Variants in RPTOR observed in about 807,000 individuals in gnomAD.
RPTOR encodes regulatory-associated protein of mTOR.
A neutral mutation model predicts 169.9 loss-of-function variants in RPTOR; 21 were observed. The observed-to-expected ratio is 0.12, with a 90% CI of 0.09 to 0.18. RPTOR has a LOEUF of 0.18. Ranked by LOEUF, RPTOR falls within the 10% of genes least tolerant of loss-of-function variation. RPTOR has a pLI of 1.00. For missense variants in RPTOR, 1,133 were observed against 1,855.9 expected (o/e 0.61, Z 7.16); for synonymous variants, 732 against 753.2 (o/e 0.97, Z 0.46).
intron 4 of RPTOR, among the ~76,000 whole-genome samples, chr17:80,724,032 G>T (rs1256563020): frequency 2.0e-5 from 3 of 151,410 alleles, no homozygotes; most frequent in Non-Finnish European, 2.9e-5. Flanking sequence ...TTTGTAGATA[G>T]GAGAAAGGGG....
chr17:80,640,782 C>T (rs2065547095), intron 2 of RPTOR, among the ~76,000 whole-genome samples: 1 of 147,092 alleles, frequency 6.8e-6, no homozygotes, highest in African/African-American at 2.5e-5. Context: ...GGAGGGGGTA[C>T]TCCTTGAATG....
intron 3 of RPTOR, among the ~76,000 whole-genome samples, chr17:80,701,508 T>C (rs1321845256): frequency 2.0e-5 from 3 of 152,080 alleles, no homozygotes; most frequent in African/African-American, 7.2e-5. Flanking sequence ...CGCCTAAAGG[T>C]CCCTCCTACC....
At chr17:80,763,070 A>G (rs745839682) in intron 6 of RPTOR, among the ~76,000 whole-genome samples, 3 of 152,076 alleles carry the variant, frequency 2.0e-5, no homozygotes, top group Non-Finnish European at 2.9e-5. Flanking sequence ...AAACAGCACG[A>G]CCCTGTCTCT....
At chr17:80,584,910 C>G (rs2065046190) in intron 1 of RPTOR, among the ~76,000 whole-genome samples, 1 of 152,080 alleles carries the variant, frequency 6.6e-6, no homozygotes, top group Non-Finnish European at 1.5e-5. Context: ...GTTACCAGAA[C>G]TCAAACATTT....
intron 21 of RPTOR, among the ~76,000 whole-genome samples, chr17:80,911,502 C>T (rs1011340606): frequency 3.3e-5 from 5 of 152,336 alleles, no homozygotes; most frequent in African/African-American, 1.2e-4. Flanking sequence ...AAACCTCAGG[C>T]TGGGTGTGGT....
chr17:80,781,501 G>A (rs148169992), intron 6 of RPTOR, among the ~76,000 whole-genome samples: 244 of 152,276 alleles, frequency 1.6e-3, no homozygotes, highest in South Asian at 2.9e-3. Context: ...AATTTCCCAA[G>A]TCTAAAATAC....
At chr17:80,819,659 A>G (rs947107621) in intron 7 of RPTOR, among the ~76,000 whole-genome samples, 1 of 152,234 alleles carries the variant, frequency 6.6e-6, no homozygotes, top group African/African-American at 2.4e-5. Flanking sequence ...GTGGTAAAGA[A>G]GGTAGTGCCA....
chr17:80,939,394 T>C (rs576647263), intron 24 of RPTOR, among the ~76,000 whole-genome samples: 4 of 152,182 alleles, frequency 2.6e-5, no homozygotes, highest in South Asian at 4.1e-4. Context: ...CACACACGCA[T>C]GCACGCAAAG....
intron 28 of RPTOR, among the ~76,000 whole-genome samples, chr17:80,951,818 C>A (rs1191896115): frequency 6.6e-6 from 1 of 152,198 alleles, no homozygotes; most frequent in Non-Finnish European, 1.5e-5. Context: ...GTGCCATGTC[C>A]CCCATGCCGG....
chr17:80,673,030 G>C (rs894693929), intron 3 of RPTOR, among the ~76,000 whole-genome samples: 1 of 152,014 alleles, frequency 6.6e-6, no homozygotes, highest in East Asian at 2.0e-4. Context: ...GGGTTCAAGC[G>C]AGTCTCATGC....
intron 13 of RPTOR, among the ~76,000 whole-genome samples, chr17:80,876,658 G>A (rs1462639241): frequency 1.7e-4 from 17 of 101,788 alleles, no homozygotes; most frequent in East Asian, 3.2e-4. Flanking sequence ...CCCGTGCCAC[G>A]CAGGGTGTGT....
intron 7 of RPTOR, among the ~76,000 whole-genome samples, chr17:80,817,047 TG>T (rs932137213): frequency 1.3e-5 from 2 of 151,980 alleles, no homozygotes; most frequent in Non-Finnish European, 2.9e-5. Context: ...GCGTGGGCAT[TG>T]GGAAGGAAGT....
intron 19 of RPTOR, 83 bp downstream of exon 19, chr17:80,892,952 T>TCTGCCC: frequency 6.7e-7 from 1 of 1,502,694 alleles, no homozygotes; most frequent in Non-Finnish European, 9.0e-7. Context: ...TAAGCACCAC[T>TCTGCCC]CTGCCCCTGC....
In RPTOR at chr17:80,695,065, G is replaced by A. The variant is rs1393849559; in HGVS notation, c.349-12776G>A. 1.3e-5 allele frequency among the ~76,000 whole-genome samples: 2 copies of A among 152,168 alleles called. No homozygotes were observed. Among genetic ancestry groups the A allele is most frequent in the Non-Finnish European group, 2.9e-5 (2 of 68,022 alleles). On this transcript the variant is annotated intron_variant, in intron 3 of 33. Transcript: ENST00000306801. This position sits in a 1 kb window ranked among gnomAD's most constrained non-coding sequence, Gnocchi z 4.9. ...CTGGCTTTGACATGGGCCTGTGCGG[G>A]GCTGGCTGTGTGGCCCCGTGAGGGT...
chr17:80,799,383 A>G (rs2067133085), intron 7 of RPTOR, among the ~76,000 whole-genome samples: 1 of 152,242 alleles, frequency 6.6e-6, no homozygotes, highest in African/African-American at 2.4e-5. Flanking sequence ...TGCAGATGTC[A>G]GGGAGTCTGC....
intron 7 of RPTOR, among the ~76,000 whole-genome samples, chr17:80,795,892 A>C (rs922004764): frequency 2.6e-5 from 4 of 152,140 alleles, no homozygotes; most frequent in Non-Finnish European, 4.4e-5. Context: ...CTGCCTTCTC[A>C]GCACTTCCCA....
At position 80,962,573 on chromosome 17, in the gene RPTOR, GCAT is replaced by G; in HGVS notation, c.3806_3808del (p.Ala1269_Cys1270delinsGly). 1 of 1,612,342 alleles carries G rather than the reference GCAT, an allele frequency of 6.2e-7. No individual in the cohort carries two copies. The highest frequency in any genetic ancestry group is 1.1e-5 in the South Asian group (1 of 91,042). ...CATCCACCCCCAGGCGGACCTGATC[GCAT>G]GGTAGGCGCCACCCACCTCCCTGGC... On this transcript the variant is annotated inframe_deletion and splice_region_variant, in exon 32 of 34. Coordinates refer to ENST00000306801, the MANE Select transcript of RPTOR (RefSeq NM_020761.3).
chr17:80,874,841 T>C (rs1359425989), intron 13 of RPTOR, among the ~76,000 whole-genome samples: 1 of 152,156 alleles, frequency 6.6e-6, no homozygotes, highest in Non-Finnish European at 1.5e-5. Flanking sequence ...ACTCAGGAGC[T>C]GTGTTCTTGT....
chr17:80,876,522 G>A (rs1231739665), intron 13 of RPTOR, among the ~76,000 whole-genome samples: 1 of 70,890 alleles, frequency 1.4e-5, no homozygotes, highest in East Asian at 4.3e-4. Context: ...CGCAGGGTGT[G>A]TGTGTCGCCT....
Sources: gnomAD v4.1 joint callset for allele counts (sites outside exome capture counted in the v4.1 genomes callset) on GRCh38, gnomAD v4.1.1 for gene constraint, Gnocchi (gnomAD v3.1) non-coding constraint, MANE v1.5 for transcripts, NCBI Gene and HGNC (gene_info 2026-07-23, HGNC 2026-07-21) for gene names.